The following ZNF394 variants were observed in gnomAD, a reference collection of about 807,000 sequenced individuals.
ZNF394 encodes the protein zinc finger protein 394, also known as zinc finger protein 99.
Under a neutral mutation model 21.8 loss-of-function variants are expected in ZNF394, and 19 were observed. The observed-to-expected ratio is 0.87, with a 90% confidence interval of 0.61 to 1.28. ZNF394 has a LOEUF of 1.28. Among genes scored for constraint, ZNF394 ranks in the 50% most tolerant of loss-of-function variants. ZNF394 has a pLI of 0.00. For synonymous variants in ZNF394, 294 were observed against 273.3 expected, an observed-to-expected ratio of 1.08 and a Z score of -0.75; for missense variants, 683 against 708.6, an observed-to-expected ratio of 0.96 and a Z score of 0.41.
At chr7:99,498,621 C>A in intron 2 of ZNF394, 95 bp downstream of exon 2, 1 of 1,563,178 alleles carries the variant, frequency 6.4e-7, no homozygotes, top group Non-Finnish European at 8.7e-7. Context: ...GCTCTCAGCC[C>A]AAGTCTGGGA....
downstream of ZNF394, among the ~76,000 whole-genome samples, chr7:99,492,030 G>A (rs1417489600): frequency 6.9e-6 from 1 of 145,982 alleles, no homozygotes; most frequent in Non-Finnish European, 1.5e-5. Context: ...CCGAGATTGC[G>A]CCACTGCACT....
chr7:99,495,807 A>G (rs901872572), intron 2 of ZNF394, among the ~76,000 whole-genome samples: 1 of 151,942 alleles, frequency 6.6e-6, no homozygotes, highest in Non-Finnish European at 1.5e-5. Context: ...TTTTTAGTAG[A>G]GATGGGGTTT....
intron 1 of ZNF394, among the ~76,000 whole-genome samples, 179 bp downstream of exon 1, chr7:99,499,459 G>C (rs2151085463): frequency 6.6e-6 from 1 of 152,116 alleles, no homozygotes; most frequent in East Asian, 1.9e-4. Flanking sequence ...GCTTTATGCT[G>C]AGGTCTATAA....
chr7:99,494,616 A>C lies in ZNF394; in HGVS notation c.599T>G (p.Val200Gly), dbSNP rs757659117. 6.9e-5 allele frequency: 110 copies of C among 1,589,556 alleles called. No individual in the cohort carries two copies. Among genetic ancestry groups the C allele is most frequent in the Middle Eastern group, 3.4e-4 (2 of 5,940 alleles). ...STVPPSLESR[V>G]ENKELIPMQQ... ...CATTGGAATCAACTCTTTGTTCTCC[A>C]CTCTGCTTTCCAAACCTGAAACGTG... The change falls in exon 3 of 3, where the codon GTG becomes GGG. Residue 200 changes from valine to glycine, a missense_variant. By Grantham distance (109) the Val-to-Gly change is moderately radical. Coordinates refer to ENST00000337673, the MANE Select transcript of ZNF394 (RefSeq NM_032164.4).
chr7:99,494,795 T>C (rs1411232037), intron 2 of ZNF394, among the ~76,000 whole-genome samples, 164 bp from the exon 3 acceptor site: 1 of 150,988 alleles, frequency 6.6e-6, no homozygotes, highest in Non-Finnish European at 1.5e-5. Context: ...AGTGCAGTGG[T>C]CCGATCTCAG....
At chr7:99,498,477 A>T (rs1800405283) in intron 2 of ZNF394, 4 of 415,062 alleles carry the variant, frequency 9.6e-6, no homozygotes. Context: ...TGGTAGACAC[A>T]GGGGATGGTC....
At chr7:99,497,120 G>GTATATATATATATATATA (rs1479965665) in intron 2 of ZNF394, among the ~76,000 whole-genome samples, 7 of 91,358 alleles carry the variant, frequency 7.7e-5, no homozygotes, top group Non-Finnish European at 1.4e-4. Flanking sequence ...GTGTGTGTGT[G>GTATATATATATATATATA]TGTATATATA....
chr7:99,491,241 T>TA (rs1800154924), downstream of ZNF394, among the ~76,000 whole-genome samples: 1 of 152,210 alleles, frequency 6.6e-6, no homozygotes, highest in Admixed American at 6.5e-5. Context: ...CTGCAAGAAA[T>TA]ACTCAAATTT....
At chr7:99,487,607 C>A in intron 1 of ZNF394, 1 of 1,238,524 alleles carries the variant, frequency 8.1e-7, no homozygotes, top group Non-Finnish European at 1.1e-6. Flanking sequence ...TCTATGGGAG[C>A]CATCTTTGTG....
Position 99,494,534 on chromosome 7 carries a change from C to T in ZNF394, c.681G>A (p.Gly227=). 6.2e-7 allele frequency: 1 copy of T among 1,613,522 alleles called. No homozygotes were observed. Residue 227 remains glycine (G), a synonymous_variant, in exon 3 of 3, where the codon GGG becomes GGA. Coordinates refer to ENST00000337673, the MANE Select transcript of ZNF394 (RefSeq NM_032164.4). Reference sequence around the variant, plus strand: ...CACACTTAGAAAACAGGGGGCGCTTCCCCTGGAACGCTTCTTGTAGTTGCC... The same window carrying T: ...CACACTTAGAAAACAGGGGGCGCTTTCCCTGGAACGCTTCTTGTAGTTGCC... The part of the protein sequence containing the change: ...PQGQLQEAFQ[G]KRPLFSKCGS...
intron 2 of ZNF394, among the ~76,000 whole-genome samples, chr7:99,497,114 G>GTA (rs1347859430): frequency 3.8e-4 from 44 of 116,586 alleles, no homozygotes; most frequent in African/African-American, 2.0e-3. Context: ...GTGTGTGTGT[G>GTA]TGTGTGTGTA....
At position 99,493,571 on chromosome 7, in the gene ZNF394, T is replaced by C; in HGVS notation, c.1644A>G (p.Gln548=). ...THLIRHQRIH[Q]NKVLSAGRGG... ...CACGCCCAGCCGACAGCACTTTATT[T>C]TGATGAATTCTTTGGTGTCGGATAA... The change falls in exon 3 of 3, where the codon CAA becomes CAG. Residue 548 remains glutamine (Q), a synonymous_variant. Coordinates refer to ENST00000337673, the MANE Select transcript of ZNF394 (RefSeq NM_032164.4). 6.2e-7 allele frequency: 1 copy of C among 1,613,542 alleles called. No homozygotes were observed. Among genetic ancestry groups the C allele is most frequent in the Non-Finnish European group, 8.5e-7 (1 of 1,179,652 alleles).
In ZNF394 at chr7:99,498,860, C is replaced by T. The variant is rs970506502; in HGVS notation, c.457-18G>A. The T allele has an allele frequency of 6.2e-7, 1 of 1,607,068 alleles. No individual in the cohort carries two copies. The highest frequency in any genetic ancestry group is 8.5e-7 in the Non-Finnish European group (1 of 1,175,978). ...ACCATCCCCTGGAACAACACAAGAG[C>T]CCCATTCAGTACCTGCTGTCCCTGT... On this transcript the variant is annotated intron_variant, in intron 1 of 2. Transcript: ENST00000337673.
At position 99,494,570 on chromosome 7, in the gene ZNF394, C is replaced by T. The variant is rs145455958; in HGVS notation, c.645G>A (p.Ala215=). The T allele has an allele frequency of 2.1e-5, 34 of 1,605,486 alleles. No individual in the cohort carries two copies. Among genetic ancestry groups the T allele is most frequent in the South Asian group, 7.8e-5 (7 of 89,354 alleles). ...LIPMQQILEE[A]EPQGQLQEAF... Reference sequence around the variant, plus strand: ...CTTCTTGTAGTTGCCCCTGTGGCTCCGCTTCTTCTAAAATTTGTTGCATTG... The same window carrying T: ...CTTCTTGTAGTTGCCCCTGTGGCTCTGCTTCTTCTAAAATTTGTTGCATTG... The change falls in exon 3 of 3, where the codon GCG becomes GCA. Residue 215 remains alanine, a synonymous_variant. Transcript: ENST00000337673.
At chr7:99,499,111 C>CA (rs2151085185) in intron 1 of ZNF394, among the ~76,000 whole-genome samples, 1 of 152,028 alleles carries the variant, frequency 6.6e-6, no homozygotes, top group South Asian at 2.1e-4. Context: ...CGCGGTGGCT[C>CA]ACGCCTGTAA....
chr7:99,494,699 C>A (rs1295681396), intron 2 of ZNF394, 68 bp from the exon 3 acceptor site: 13 of 1,504,534 alleles, frequency 8.6e-6, no homozygotes, highest in Non-Finnish European at 1.1e-5. Flanking sequence ...CAAGTGCTGG[C>A]AGAATGTTAA....
intron 2 of ZNF394, 101 bp from the exon 3 acceptor site, chr7:99,494,732 T>C: frequency 7.2e-7 from 1 of 1,398,228 alleles, no homozygotes; most frequent in Non-Finnish European, 9.2e-7. Context: ...CTTTTACTTT[T>C]TAATTAATTA....
chr7:99,491,279 T>C (rs1419446430), downstream of ZNF394, among the ~76,000 whole-genome samples: 2 of 152,186 alleles, frequency 1.3e-5, no homozygotes, highest in Admixed American at 1.3e-4. Context: ...GATATCATGA[T>C]AAATATGTAT....
intron 1 of ZNF394, chr7:99,487,361 T>G: frequency 1.2e-6 from 2 of 1,614,240 alleles, no homozygotes; most frequent in Non-Finnish European, 1.7e-6. Flanking sequence ...AAGAGGAATC[T>G]TTTTCGACAT....
Sources: gnomAD v4.1 joint callset for allele counts (sites outside exome capture counted in the v4.1 genomes callset) on GRCh38, gnomAD v4.1.1 for gene constraint, MANE v1.5 for transcripts, NCBI Gene and HGNC (gene_info 2026-07-23, HGNC 2026-07-21) for gene names.